The following SBNO1 variants were observed in gnomAD, a reference collection of about 807,000 sequenced individuals.
SBNO1 encodes protein strawberry notch homolog 1.
SBNO1 carries 23 observed loss-of-function variants against 173.6 expected under a neutral mutation model. That is an observed-to-expected ratio of 0.13 (90% CI 0.10 to 0.19). SBNO1 has a LOEUF of 0.19. Among genes scored for constraint, SBNO1 ranks in the 10% least tolerant of loss-of-function variants. SBNO1 has a pLI of 1.00. For missense variants in SBNO1, 1,238 were observed against 1,671.2 expected (o/e 0.74, Z 4.52); for synonymous variants, 632 against 571.5 (o/e 1.11, Z -1.51).
intron 23 of SBNO1, among the ~76,000 whole-genome samples, chr12:123,315,078 T>C (rs1023368903): frequency 6.6e-6 from 1 of 152,168 alleles, no homozygotes; most frequent in African/African-American, 2.4e-5. Context: ...TTCATGTCTC[T>C]ACACATAAAA....
chr12:123,320,070 G>T, intron 19 of SBNO1, 39 bp from the exon 20 acceptor site: 1 of 1,611,386 alleles, frequency 6.2e-7, no homozygotes, highest in South Asian at 1.1e-5. Flanking sequence ...GAAGGTATCT[G>T]ACTGCGGTGG....
intron 5 of SBNO1, among the ~76,000 whole-genome samples, chr12:123,339,571 G>C (rs1872282584): frequency 6.6e-6 from 1 of 152,058 alleles, no homozygotes; most frequent in South Asian, 2.1e-4. Flanking sequence ...GGGATCACTT[G>C]AGGTCAGGTA....
chr12:123,309,190 T>C, intron 28 of SBNO1, 120 bp downstream of exon 28: 1 of 720,700 alleles, frequency 1.4e-6, no homozygotes, highest in Non-Finnish European at 2.4e-6. Flanking sequence ...CAATGATAAA[T>C]TACCAAAATA....
chr12:123,363,707 T>A (rs1875686008), intron 1 of SBNO1, among the ~76,000 whole-genome samples: 1 of 152,206 alleles, frequency 6.6e-6, no homozygotes, highest in East Asian at 1.9e-4. Flanking sequence ...TTTCCCACGT[T>A]TCTCAACCAG....
Position 123,340,972 on chromosome 12 carries a change from G to A in SBNO1, c.651+16C>T, listed in dbSNP as rs1236018640. ...CATACTACACAAAAATAAAGACACAGTTATTTGAAACTCACCATGGTTGGG... is the reference window on the plus strand; with the variant it reads ...CATACTACACAAAAATAAAGACACAATTATTTGAAACTCACCATGGTTGGG... On this transcript the variant is annotated intron_variant, in intron 5 of 31. Coordinates refer to ENST00000602398, the MANE Select transcript of SBNO1 (RefSeq NM_001167856.3). 1.4e-6 allele frequency: 2 copies of A among 1,428,714 alleles called. No individual in the cohort carries two copies. The highest frequency in any genetic ancestry group is 9.8e-7 in the Non-Finnish European group (1 of 1,017,972). The allele number at this position is 1,428,714 out of a possible 1,614,324, so 88.5% of individuals were successfully genotyped here. A position where few individuals can be genotyped will look rare whatever the true frequency, so the allele number is the denominator to read the frequency against.
chr12:123,298,248 C>A, intron 30 of SBNO1, 77 bp from the exon 31 acceptor site: 2 of 1,358,846 alleles, frequency 1.5e-6, no homozygotes, highest in South Asian at 1.3e-5. Flanking sequence ...TTTACAAGGT[C>A]AACTCAAATT....
At chr12:123,320,127 A>C (rs1273552094) in intron 19 of SBNO1, 96 bp from the exon 20 acceptor site, 1 of 1,393,366 alleles carries the variant, frequency 7.2e-7, no homozygotes, top group African/African-American at 1.4e-5. Flanking sequence ...AGATAAGAGC[A>C]CAGGCTGTGC....
At chr12:123,329,020 A>C (rs1837926077) in intron 9 of SBNO1, 125 bp from the exon 10 acceptor site, 1 of 557,170 alleles carries the variant, frequency 1.8e-6, no homozygotes, top group African/African-American at 1.9e-5. Context: ...AAAACATAAA[A>C]GTACAGAGAC....
chr12:123,303,502 T>C (rs1465252532), intron 29 of SBNO1, among the ~76,000 whole-genome samples: 1 of 151,514 alleles, frequency 6.6e-6, no homozygotes, highest in Non-Finnish European at 1.5e-5. Flanking sequence ...AAAAAAAAAC[T>C]AGCCAGGTGT....
intron 2 of SBNO1, among the ~76,000 whole-genome samples, 167 bp from the exon 3 acceptor site, chr12:123,348,300 A>G (rs1353310231): frequency 6.6e-6 from 1 of 152,248 alleles, no homozygotes; most frequent in Non-Finnish European, 1.5e-5. Flanking sequence ...CAAGATCTCC[A>G]CAAAACGGTA....
intron 4 of SBNO1, among the ~76,000 whole-genome samples, chr12:123,343,999 A>C (rs1379681923): frequency 1.3e-5 from 2 of 152,164 alleles, no homozygotes; most frequent in Non-Finnish European, 2.9e-5. Context: ...AGTCAGCTCC[A>C]AATCTATCCC....
intron 28 of SBNO1, among the ~76,000 whole-genome samples, chr12:123,307,500 G>A (rs1773732464): frequency 6.6e-6 from 1 of 152,190 alleles, no homozygotes; most frequent in African/African-American, 2.4e-5. Context: ...TCCTGCCTGT[G>A]CCATCATCAT....
At chr12:123,354,107 T>G (rs1450257849) in intron 1 of SBNO1, among the ~76,000 whole-genome samples, 2 of 152,276 alleles carry the variant, frequency 1.3e-5, no homozygotes, top group East Asian at 3.9e-4. Context: ...TACAAAAAAA[T>G]TTTACTGAGA....
At chr12:123,308,397 G>A (rs958958903) in intron 28 of SBNO1, among the ~76,000 whole-genome samples, 1 of 152,094 alleles carries the variant, frequency 6.6e-6, no homozygotes, top group African/African-American at 2.4e-5. Context: ...TTGGCCAGGT[G>A]CAGTGGCTCA....
chr12:123,330,625 A>C, intron 8 of SBNO1, 116 bp from the exon 9 acceptor site: 1 of 533,026 alleles, frequency 1.9e-6, no homozygotes, highest in Non-Finnish European at 3.0e-6. Context: ...AAGAAAAAGA[A>C]AATACACTTA....
chr12:123,329,710 C>T (rs890184750), intron 9 of SBNO1, among the ~76,000 whole-genome samples: 1 of 152,132 alleles, frequency 6.6e-6, no homozygotes, highest in Non-Finnish European at 1.5e-5. Context: ...CCCTAACAAG[C>T]CACTGTTTAG....
intron 25 of SBNO1, among the ~76,000 whole-genome samples, chr12:123,310,180 A>G (rs149790313): frequency 3.1e-4 from 47 of 152,250 alleles, no homozygotes; most frequent in African/African-American, 1.0e-3. Context: ...AATGTCTGGG[A>G]GCTTTGGAAA....
At chr12:123,357,470 T>C (rs989488914) in intron 1 of SBNO1, among the ~76,000 whole-genome samples, 1 of 151,756 alleles carries the variant, frequency 6.6e-6, no homozygotes, top group Admixed American at 6.6e-5. Flanking sequence ...CAGTCAGGCA[T>C]GGTGGCTCAC....
Position 123,307,020 on chromosome 12 carries a change from TAAAAAA to T in SBNO1, c.3630+2284_3630+2289del, listed in dbSNP as rs34105162. ...CAACACAGTGAGACATCAACTGCAT[TAAAAAA>T]AAAAAAAAAAAAAAAAGCCAAATGT... On this transcript the variant is annotated intron_variant, in intron 28 of 31. Transcript: ENST00000602398. Among the ~76,000 whole-genome samples the T allele has an allele frequency of 3.0e-3, 196 of 64,430 alleles. 2 individuals carry two copies. Among genetic ancestry groups the T allele is most frequent in the Middle Eastern group, 0.012 (1 of 84 alleles). 42.3% of individuals were successfully genotyped at this position (64,430 alleles called of 152,430 possible).
Sources: gnomAD v4.1 joint callset for allele counts (sites outside exome capture counted in the v4.1 genomes callset) on GRCh38, gnomAD v4.1.1 for gene constraint, MANE v1.5 for transcripts, NCBI Gene and HGNC (gene_info 2026-07-23, HGNC 2026-07-21) for gene names.